Variants in SCFD2 observed in about 807,000 individuals in gnomAD.
The protein encoded by SCFD2 is sec1 family domain containing 2, also known as sec1 family domain-containing protein 2.
In SCFD2, 54 loss-of-function variants were observed where a neutral mutation model predicts 58.9. That is an observed-to-expected ratio of 0.92 (90% CI 0.74 to 1.15). The LOEUF (loss-of-function observed/expected upper bound fraction) is 1.15, where lower values mean the gene tolerates loss of function less well. SCFD2 is among the 50% of genes most tolerant of loss of function. The pLI, the probability that SCFD2 is intolerant of heterozygous loss-of-function variation, is 0.00. For missense variants in SCFD2, 805 were observed against 836.6 expected, an observed-to-expected ratio of 0.96 and a Z score of 0.47; for synonymous variants, 321 against 335.9, an observed-to-expected ratio of 0.96 and a Z score of 0.49.
At chr4:53,334,743 A>G (rs1733620960) in intron 2 of SCFD2, among the ~76,000 whole-genome samples, 1 of 152,202 alleles carries the variant, frequency 6.6e-6, no homozygotes, top group African/African-American at 2.4e-5. Flanking sequence ...CTAAAACTTA[A>G]AGTATAAAAA....
chr4:53,045,925 G>GA (rs11430321), intron 5 of SCFD2, among the ~76,000 whole-genome samples: 26,595 of 149,850 alleles, frequency 0.18, 2,660 homozygotes, highest in Admixed American at 0.26. Context: ...TTTGTGAAAT[G>GA]AAAAAAAAAA....
chr4:52,897,846 C>G (rs944211679), intron 7 of SCFD2, among the ~76,000 whole-genome samples: 9 of 152,168 alleles, frequency 5.9e-5, no homozygotes, highest in African/African-American at 2.2e-4. Context: ...TGTTATTGGT[C>G]TATTCAGAGA....
intron 5 of SCFD2, among the ~76,000 whole-genome samples, chr4:53,022,991 C>A (rs776286757): frequency 5.9e-5 from 9 of 152,070 alleles, no homozygotes; most frequent in Non-Finnish European, 8.8e-5. Context: ...TGAAAACTAT[C>A]CAAAAGGCTA....
At chr4:53,045,374 T>C (rs535845385) in intron 5 of SCFD2, among the ~76,000 whole-genome samples, 162 of 152,270 alleles carry the variant, frequency 1.1e-3, no homozygotes, top group African/African-American at 3.8e-3. Flanking sequence ...GTAAATGCAA[T>C]TTGTGTTTTA....
intron 4 of SCFD2, among the ~76,000 whole-genome samples, chr4:53,205,106 A>C (rs1355734761): frequency 6.6e-6 from 1 of 152,100 alleles, no homozygotes; most frequent in Non-Finnish European, 1.5e-5. Flanking sequence ...AAGATATGGC[A>C]TGAAGAAAAC....
intron 5 of SCFD2, among the ~76,000 whole-genome samples, chr4:53,031,380 G>A (rs1331527433): frequency 6.6e-6 from 1 of 152,154 alleles, no homozygotes; most frequent in Non-Finnish European, 1.5e-5. Context: ...TCCTCTAAAG[G>A]ATCACAACTC....
Position 53,106,322 on chromosome 4 carries a change from C to T in SCFD2, c.1561+39011G>A, listed in dbSNP as rs187783555. On this transcript the variant is annotated intron_variant, in intron 5 of 8. Transcript: ENST00000401642. The stretch of plus-strand genomic sequence containing the variant: ...ACCAGGACACCTCTTCTCCTCCAAA[C>T]GGTCACAACTGCTTGCCAGCAAGGG... Among the ~76,000 whole-genome samples, 117 of 152,256 alleles carry T rather than the reference C, an allele frequency of 7.7e-4. 1 individual carries two copies. Among genetic ancestry groups the T allele is most frequent in the Non-Finnish European group, 1.2e-3 (80 of 68,016 alleles).
intron 2 of SCFD2, among the ~76,000 whole-genome samples, chr4:53,343,371 T>C (rs1733947024): frequency 1.3e-5 from 2 of 152,196 alleles, no homozygotes; most frequent in African/African-American, 2.4e-5. Flanking sequence ...GATAAATTCC[T>C]AGACACTTAC....
At chr4:52,960,710 AC>A in intron 5 of SCFD2, among the ~76,000 whole-genome samples, 1 of 15,068 alleles carries the variant, frequency 6.6e-5, no homozygotes, top group East Asian at 5.1e-3. Context: ...TCTTTCTCTG[AC>A]ACACACACAC....
At chr4:53,282,512 T>TC (rs139318625) in intron 3 of SCFD2, among the ~76,000 whole-genome samples, 1 of 152,056 alleles carries the variant, frequency 6.6e-6, no homozygotes, top group African/African-American at 2.4e-5. Flanking sequence ...ACTATAAAAT[T>TC]CCCCCCTTAA....
intron 6 of SCFD2, among the ~76,000 whole-genome samples, chr4:52,915,807 G>A (rs1357825865): frequency 6.6e-6 from 1 of 152,202 alleles, no homozygotes; most frequent in African/African-American, 2.4e-5. Flanking sequence ...CTTCAGAAAA[G>A]ATGCTAGCAG....
intron 8 of SCFD2, among the ~76,000 whole-genome samples, chr4:52,877,546 G>A (rs1230641654): frequency 6.6e-6 from 1 of 152,220 alleles, no homozygotes; most frequent in East Asian, 1.9e-4. Context: ...TCTGTAAAGT[G>A]GGAATGATAC....
At chr4:53,231,313 G>C (rs1216340694) in intron 4 of SCFD2, among the ~76,000 whole-genome samples, 21 of 152,088 alleles carry the variant, frequency 1.4e-4, no homozygotes, top group Non-Finnish European at 4.4e-5. Flanking sequence ...CAACAGCACA[G>C]ATTTTGTTTT....
intron 5 of SCFD2, among the ~76,000 whole-genome samples, chr4:52,993,922 C>A (rs1470785610): frequency 2.0e-5 from 3 of 152,230 alleles, no homozygotes; most frequent in African/African-American, 4.8e-5. Context: ...GCGTGTACTG[C>A]AGGTCTTGGC....
intron 4 of SCFD2, among the ~76,000 whole-genome samples, chr4:53,224,534 T>A (rs1326001500): frequency 6.6e-6 from 1 of 152,186 alleles, no homozygotes; most frequent in Non-Finnish European, 1.5e-5. Context: ...GCTGAGTCCA[T>A]CCTTCTACCT....
intron 5 of SCFD2, among the ~76,000 whole-genome samples, chr4:53,013,534 T>C (rs1045270624): frequency 1.3e-4 from 20 of 152,238 alleles, no homozygotes; most frequent in Admixed American, 5.9e-4. Context: ...ACGAAAATCA[T>C]TTAGCTGTTA....
At chr4:53,324,552 G>A (rs922375271) in intron 2 of SCFD2, among the ~76,000 whole-genome samples, 2 of 152,108 alleles carry the variant, frequency 1.3e-5, no homozygotes, top group Non-Finnish European at 2.9e-5. Flanking sequence ...ACATGGGGAA[G>A]CACCAGCGTT....
intron 2 of SCFD2, among the ~76,000 whole-genome samples, chr4:53,328,461 A>C (rs1315318193): frequency 6.6e-6 from 1 of 152,216 alleles, no homozygotes; most frequent in Non-Finnish European, 1.5e-5. Context: ...AAAGACACAG[A>C]AGTCAGGGGA....
intron 5 of SCFD2, among the ~76,000 whole-genome samples, chr4:52,988,083 C>A (rs1354168224): frequency 6.6e-6 from 1 of 152,156 alleles, no homozygotes; most frequent in African/African-American, 2.4e-5. Context: ...GAGGTCAGAA[C>A]CTACAATTCA....
Sources: gnomAD v4.1 joint callset for allele counts (sites outside exome capture counted in the v4.1 genomes callset) on GRCh38, gnomAD v4.1.1 for gene constraint, MANE v1.5 for transcripts, NCBI Gene and HGNC (gene_info 2026-07-23, HGNC 2026-07-21) for gene names.